NIBAN2: variants seen among roughly 807,000 people sequenced by gnomAD.
The protein encoded by NIBAN2 is protein Niban 2.
NIBAN2 carries 36 observed loss-of-function variants against 81.8 expected under a neutral mutation model. The ratio of observed to expected loss-of-function variants is 0.44; its 90% CI spans 0.34 to 0.58. The LOEUF (loss-of-function observed/expected upper bound fraction) is 0.58. NIBAN2 is among the 20% of genes least tolerant of loss of function. The pLI is 0.02. For missense variants in NIBAN2, 897 were observed against 1,014.1 expected (o/e 0.88, Z 1.57); for synonymous variants, 445 against 441.6 (o/e 1.01, Z -0.10).
chr9:127,522,510 C>G (rs990041081), intron 5 of NIBAN2, among the ~76,000 whole-genome samples: 3 of 152,188 alleles, frequency 2.0e-5, no homozygotes, highest in African/African-American at 7.2e-5. Flanking sequence ...CCTTGGAAGA[C>G]CATCCTCAGC....
chr9:127,507,451 G>A lies in NIBAN2; in HGVS notation c.1655-20C>T. On this transcript the variant is annotated intron_variant, in intron 13 of 13. Coordinates refer to ENST00000373312, the MANE Select transcript of NIBAN2 (RefSeq NM_022833.4). This position sits in a 1 kb window ranked among gnomAD's most constrained non-coding sequence, Gnocchi z 6.8. Reference sequence around the variant, plus strand: ...TCACAGCTACAGGGCCACAGGGGAAGGGTCAGGACACAGCACTGATCCCAC... The same window carrying A: ...TCACAGCTACAGGGCCACAGGGGAAAGGTCAGGACACAGCACTGATCCCAC... 6.7e-7 allele frequency: 1 copy of A among 1,487,102 alleles called. No homozygotes were observed. The highest frequency in any genetic ancestry group is 8.9e-7 in the Non-Finnish European group (1 of 1,117,338). The allele number at this position is 1,487,102 out of a possible 1,614,324, so 92.1% of individuals were successfully genotyped here. A position where few individuals can be genotyped will look rare whatever the true frequency, so the allele number is the denominator to read the frequency against.
intron 8 of NIBAN2, among the ~76,000 whole-genome samples, chr9:127,514,342 T>G (rs1836787146): frequency 6.6e-6 from 1 of 151,492 alleles, no homozygotes; most frequent in African/African-American, 2.4e-5. Context: ...CTTGAGGGGA[T>G]AGATACCCCA....
chr9:127,556,722 C>G (rs1837677905), intron 1 of NIBAN2, among the ~76,000 whole-genome samples: 1 of 152,172 alleles, frequency 6.6e-6, no homozygotes, highest in South Asian at 2.1e-4. Context: ...ACCTGTCCAC[C>G]TCAGGGGAGC....
chr9:127,535,298 C>T lies in NIBAN2; in HGVS notation c.56-3520G>A, dbSNP rs60766846. On this transcript the variant is annotated intron_variant, in intron 1 of 13. Coordinates refer to ENST00000373312, the MANE Select transcript of NIBAN2 (RefSeq NM_022833.4). The stretch of plus-strand genomic sequence containing the variant: ...TGACCGCAGCCCGTGCTCAACTGCC[C>T]GGACAGCACAGTCCAGATATGGTGT... 8.5e-3 allele frequency among the ~76,000 whole-genome samples: 1,290 copies of T among 152,330 alleles called. 20 individuals carry two copies. Among genetic ancestry groups the T allele is most frequent in the African/African-American group, 0.03 (1,244 of 41,566 alleles).
intron 1 of NIBAN2, among the ~76,000 whole-genome samples, chr9:127,554,588 T>C: frequency 7.0e-6 from 1 of 142,366 alleles, no homozygotes; most frequent in East Asian, 2.2e-4. Flanking sequence ...TGAGACAGGG[T>C]CTTGCTCTGT....
rs559492611 is a variant in NIBAN2 at position 127,523,768 on chromosome 9, G to A, written c.500C>T (p.Ala167Val). 199 of 1,614,048 alleles carry A rather than the reference G, an allele frequency of 1.2e-4. 2 individuals are homozygous for A. The Admixed American group carries it at 1.3e-3, about 11-fold the overall frequency. The change falls in exon 5 of 14, where the codon GCG (alanine) becomes GTG (valine). Residue 167 changes from alanine to valine, a missense_variant. By Grantham distance (64) the Ala-to-Val change is moderately conservative. This residue lies in a region of NIBAN2 where 69 missense variants were observed against 114.7 expected (regional missense o/e 0.60). Coordinates refer to ENST00000373312, the MANE Select transcript of NIBAN2 (RefSeq NM_022833.4). ...CATCATGCAGAAGTAGTAGTGACGC[G>A]CATAAGGATGCCAGAGGATGAGCGG... ...QFPLILWHPY[A>V]RHYYFCMMTE...
At chr9:127,530,788 G>A (rs936002793) in intron 2 of NIBAN2, among the ~76,000 whole-genome samples, 4 of 152,300 alleles carry the variant, frequency 2.6e-5, no homozygotes, top group African/African-American at 7.2e-5. Flanking sequence ...AGACTCTAGA[G>A]CCCCAGCTCT....
chr9:127,548,843 G>A (rs1042774109), intron 1 of NIBAN2, among the ~76,000 whole-genome samples: 5 of 152,214 alleles, frequency 3.3e-5, no homozygotes, highest in South Asian at 2.1e-4. Context: ...AAGTCCAGCC[G>A]TAGCCACGCC....
intron 1 of NIBAN2, among the ~76,000 whole-genome samples, chr9:127,542,365 T>C (rs1837395360): frequency 6.6e-6 from 1 of 152,174 alleles, no homozygotes; most frequent in African/African-American, 2.4e-5. Context: ...GGTAAAGGTC[T>C]GTTCCTCATG....
At chr9:127,577,294 C>T (rs576566902) in intron 1 of NIBAN2, among the ~76,000 whole-genome samples, 3 of 152,146 alleles carry the variant, frequency 2.0e-5, no homozygotes, top group South Asian at 4.1e-4. Context: ...GGTGACAGAG[C>T]GAGACTGTGT....
intron 1 of NIBAN2, among the ~76,000 whole-genome samples, chr9:127,537,526 G>A (rs1412988292): frequency 3.9e-5 from 6 of 152,200 alleles, no homozygotes; most frequent in Non-Finnish European, 8.8e-5. Context: ...TCACAGATGC[G>A]GGGAAGCCAA....
chr9:127,558,570 C>G (rs189501800), intron 1 of NIBAN2, among the ~76,000 whole-genome samples: 2 of 152,238 alleles, frequency 1.3e-5, no homozygotes, highest in African/African-American at 4.8e-5. Context: ...CACTTCTCAT[C>G]AGCACCTCAA....
intron 1 of NIBAN2, among the ~76,000 whole-genome samples, chr9:127,535,600 G>A (rs1837261394): frequency 6.6e-6 from 1 of 152,272 alleles, no homozygotes; most frequent in East Asian, 1.9e-4. Context: ...ACAGGCCTAG[G>A]GCCTCGGGCT....
chr9:127,539,502 C>T (rs1837339260), intron 1 of NIBAN2, among the ~76,000 whole-genome samples: 1 of 152,196 alleles, frequency 6.6e-6, no homozygotes, highest in African/African-American at 2.4e-5. Flanking sequence ...GTTTCCAGCT[C>T]CACTGGCCCC....
intron 1 of NIBAN2, among the ~76,000 whole-genome samples, chr9:127,538,630 G>GA (rs11341312): frequency 2.4e-4 from 31 of 127,390 alleles, no homozygotes; most frequent in Middle Eastern, 4.1e-3. Flanking sequence ...CCATCTCAAA[G>GA]AAAAAAAAAA....
At chr9:127,510,118 C>T (rs769781257) in intron 9 of NIBAN2, 28 bp downstream of exon 9, 2 of 1,584,048 alleles carry the variant, frequency 1.3e-6, no homozygotes, top group Non-Finnish European at 1.7e-6. Context: ...CTCAGGAGAC[C>T]CCCTCCTAGG....
rs1837808863 is a variant in NIBAN2, at chr9:127,563,526, A to ACT, written c.55+5293_55+5294insAG. ...CCACTTCCCAAATGTTGAGAGGTAG[A>ACT]TTTTTTTTTTTTTTGAGACAGAGTC... On this transcript the variant is annotated intron_variant, in intron 1 of 13. Transcript: ENST00000373312. The surrounding 1 kb of genome is among the most constrained non-coding windows in gnomAD (Gnocchi z 4.1). 6.8e-6 allele frequency among the ~76,000 whole-genome samples: 1 copy of ACT among 146,426 alleles called. No homozygotes were observed. The highest frequency in any genetic ancestry group is 6.8e-5 in the Admixed American group (1 of 14,722).
intron 1 of NIBAN2, among the ~76,000 whole-genome samples, chr9:127,541,391 C>A (rs551015522): frequency 6.6e-6 from 1 of 152,356 alleles, no homozygotes; most frequent in East Asian, 1.9e-4. Flanking sequence ...GCACTGTCCT[C>A]ACTTCCCAGA....
chr9:127,567,608 T>C (rs1425230214), intron 1 of NIBAN2, among the ~76,000 whole-genome samples: 1 of 152,170 alleles, frequency 6.6e-6, no homozygotes, highest in Non-Finnish European at 1.5e-5. Flanking sequence ...AAAGGACACC[T>C]GGCCACTGCT....
Sources: allele counts gnomAD v4.1 joint callset (sites outside exome capture counted in the v4.1 genomes callset), GRCh38; gene constraint gnomAD v4.1.1; regional missense constraint gnomAD v4.1.1; non-coding constraint Gnocchi (gnomAD v3.1); transcripts MANE v1.5; gene names NCBI Gene and HGNC (gene_info 2026-07-23, HGNC 2026-07-21).